RNASEH2B: variants seen among roughly 807,000 people sequenced by gnomAD.
RNASEH2B encodes Aicardi-Goutieres syndrome 2 protein.
RNASEH2B carries 36 observed loss-of-function variants against 45.0 expected under a neutral mutation model. The observed-to-expected ratio is 0.80, with a 90% CI of 0.61 to 1.06. RNASEH2B has a LOEUF of 1.06. RNASEH2B is among the 50% of genes least tolerant of loss of function. RNASEH2B has a pLI of 0.00. For synonymous variants in RNASEH2B, 119 were observed against 125.7 expected, an observed-to-expected ratio of 0.95 and a Z score of 0.35; for missense variants, 361 against 360.3, an observed-to-expected ratio of 1.00 and a Z score of -0.02.
In RNASEH2B at chr13:50,929,561, A is replaced by G. The variant is rs1470036646; in HGVS notation, c.223A>G (p.Ile75Val). The stretch of plus-strand genomic sequence containing the variant: ...CAAGGAAAAACACCATTCTTGGTTT[A>G]TAAATCAATCAGTTCAATCAGGTAG... ...VFKEKHHSWF[I>V]NQSVQSGGLL... The change falls in exon 3 of 11, where the codon ATA (isoleucine) becomes GTA (valine). Residue 75 changes from isoleucine (I) to valine (V), a missense_variant. By Grantham distance (29) the Ile-to-Val change is conservative (BLOSUM62 3). Transcript: ENST00000336617. 4 of 1,609,270 alleles carry G rather than the reference A, an allele frequency of 2.5e-6. No homozygotes were observed. The highest frequency in any genetic ancestry group is 3.4e-6 in the Non-Finnish European group (4 of 1,175,776).
intron 9 of RNASEH2B, among the ~76,000 whole-genome samples, chr13:50,963,855 T>C (rs1451983214): frequency 6.6e-6 from 1 of 152,208 alleles, no homozygotes; most frequent in Non-Finnish European, 1.5e-5. Flanking sequence ...ATTCAGTCTG[T>C]GATGGTACAT....
downstream of RNASEH2B, among the ~76,000 whole-genome samples, chr13:50,957,620 A>G (rs774262439): frequency 6.6e-6 from 1 of 152,158 alleles, no homozygotes; most frequent in Non-Finnish European, 1.5e-5. Flanking sequence ...CATAGCCAAT[A>G]GTGGCCAATA....
intron 1 of RNASEH2B, among the ~76,000 whole-genome samples, chr13:50,919,732 T>C (rs1555254370): frequency 1.3e-5 from 2 of 152,212 alleles, no homozygotes; most frequent in Admixed American, 6.5e-5. Flanking sequence ...TGGATAATAG[T>C]TGACTGAGTT....
At chr13:50,938,103 A>G (rs1399443431) in intron 5 of RNASEH2B, 2 of 152,256 alleles carry the variant, frequency 1.3e-5, no homozygotes, top group African/African-American at 4.8e-5. Flanking sequence ...TCAATATACA[A>G]ATATTAGTTG....
chr13:50,956,468 G>A lies in RNASEH2B; in HGVS notation c.933G>A (p.Lys311=), dbSNP rs951129269. The change falls in exon 11 of 11, where the codon AAG becomes AAA. Residue 311 remains lysine (K), a synonymous_variant. Transcript: ENST00000336617. The part of the protein sequence containing the change: ...FGVKNKKKIG[K]V The stretch of plus-strand genomic sequence containing the variant: ...TAAAAAATAAAAAAAAAATTGGAAA[G>A]GTTTGAAACTTTGAAAATAAAATCT... The A allele has an allele frequency of 1.9e-6, 3 of 1,595,826 alleles. No individual in the cohort carries two copies. Among genetic ancestry groups the A allele is most frequent in the African/African-American group, 2.7e-5 (2 of 74,550 alleles).
At chr13:50,929,200 G>C (rs1380687361) in intron 2 of RNASEH2B, among the ~76,000 whole-genome samples, 2 of 152,094 alleles carry the variant, frequency 1.3e-5, no homozygotes, top group Admixed American at 6.5e-5. Context: ...ATCTGATGGA[G>C]GATTTAAGGA....
chr13:50,910,138 C>A lies in RNASEH2B; in HGVS notation c.62C>A (p.Ser21Ter). Residue 21 changes from serine (S) to a stop codon, truncating the protein, a stop_gained and splice_region_variant, in exon 1 of 11, where the codon TCA (serine) becomes TAA (stop). Transcript: ENST00000336617. LOFTEE classifies it high-confidence loss of function. ...VGARQHVFLVSEYLKDASKKM... is the reference protein window; with the variant it reads ...VGARQHVFLV Reference sequence around the variant, plus strand: ...GCCCGGCAGCACGTGTTCCTGGTTTCAGGTAAACACGCGCGCCCGGGCGGC... The same window carrying A: ...GCCCGGCAGCACGTGTTCCTGGTTTAAGGTAAACACGCGCGCCCGGGCGGC... The A allele has an allele frequency of 6.9e-7, 1 of 1,444,936 alleles. No homozygotes were observed. The highest frequency in any genetic ancestry group is 9.1e-7 in the Non-Finnish European group (1 of 1,098,996). The allele number at this position is 1,444,936 out of a possible 1,614,324, so 89.5% of individuals were successfully genotyped here.
intron 5 of RNASEH2B, chr13:50,938,561 G>A (rs1951789048): frequency 6.6e-6 from 1 of 152,164 alleles, no homozygotes; most frequent in Non-Finnish European, 1.5e-5. Context: ...GGGCAGGGAG[G>A]GGGATGGCTT....
chr13:50,921,879 A>G (rs1275431229), intron 1 of RNASEH2B, among the ~76,000 whole-genome samples: 1 of 152,168 alleles, frequency 6.6e-6, no homozygotes, highest in Admixed American at 6.5e-5. Context: ...AACTACTCCC[A>G]TTTCCTCTCC....
chr13:50,963,673 A>G (rs1232835575), intron 9 of RNASEH2B, among the ~76,000 whole-genome samples: 1 of 152,080 alleles, frequency 6.6e-6, no homozygotes, highest in Non-Finnish European at 1.5e-5. Flanking sequence ...TTTATTTTGA[A>G]ATAATTTTAT....
intron 1 of RNASEH2B, among the ~76,000 whole-genome samples, chr13:50,917,097 T>C (rs1003919541): frequency 6.6e-6 from 1 of 152,200 alleles, no homozygotes; most frequent in Admixed American, 6.5e-5. Flanking sequence ...TTCTGACTGG[T>C]CCTGCTGTGG....
intron 9 of RNASEH2B, among the ~76,000 whole-genome samples, chr13:50,966,121 G>C (rs1290022519): frequency 3.3e-5 from 5 of 152,082 alleles, no homozygotes; most frequent in African/African-American, 1.2e-4. Context: ...TGCCATTTTG[G>C]GGAATAATAT....
chr13:50,945,817 G>C (rs1048630716), intron 7 of RNASEH2B, among the ~76,000 whole-genome samples: 2 of 152,152 alleles, frequency 1.3e-5, no homozygotes, highest in Non-Finnish European at 2.9e-5. Flanking sequence ...GGTGTATTGT[G>C]TGCCAGGCCC....
chr13:50,945,036 A>G (rs7336417), intron 6 of RNASEH2B, among the ~76,000 whole-genome samples: 21,249 of 152,102 alleles, frequency 0.14, 1,740 homozygotes, highest in East Asian at 0.36. Flanking sequence ...ACCTCATTTA[A>G]TTTTCACAGT....
chr13:50,914,362 G>T (rs1045934572), intron 1 of RNASEH2B, among the ~76,000 whole-genome samples: 3 of 152,186 alleles, frequency 2.0e-5, no homozygotes, highest in Non-Finnish European at 4.4e-5. Flanking sequence ...CAGAAGAGAT[G>T]AACTTCACTT....
chr13:50,930,709 G>A lies in RNASEH2B; in HGVS notation c.271G>A (p.Val91Met), dbSNP rs959811072. 2 of 1,613,728 alleles carry A rather than the reference G, an allele frequency of 1.2e-6. No individual in the cohort carries two copies. Among genetic ancestry groups the A allele is most frequent in the Non-Finnish European group, 1.7e-6 (2 of 1,179,804 alleles). ...AGGTCTTCTCCATTTTGCCACACCT[G>A]TGGATCCTCTATTTCTGCTTCTCCA... ...SGGLLHFATP[V>M]DPLFLLLHYL... The change falls in exon 4 of 11, where the codon GTG (valine) becomes ATG (methionine). Residue 91 changes from valine to methionine, a missense_variant. Coordinates refer to ENST00000336617, the MANE Select transcript of RNASEH2B (RefSeq NM_024570.4).
At chr13:50,946,456 A>G (rs1299620623) in intron 7 of RNASEH2B, among the ~76,000 whole-genome samples, 1 of 152,186 alleles carries the variant, frequency 6.6e-6, no homozygotes, top group Admixed American at 6.5e-5. Flanking sequence ...GGTGGACAGC[A>G]CCTTTGCCAT....
At chr13:50,910,235 C>A (rs1424915497) in intron 1 of RNASEH2B, 95 bp downstream of exon 1, 3 of 833,658 alleles carry the variant, frequency 3.6e-6, no homozygotes, top group Non-Finnish European at 5.0e-6. Flanking sequence ...GTGGCTCCCA[C>A]TACCCGGCCC....
intron 9 of RNASEH2B, 38 bp from the exon 10 acceptor site, chr13:50,953,867 G>A (rs371349565): frequency 7.5e-7 from 1 of 1,334,016 alleles, no homozygotes; most frequent in Non-Finnish European, 1.1e-6. Flanking sequence ...TTGTGTCAAA[G>A]TGACATTTGA....
Sources: gnomAD v4.1 joint callset for allele counts (sites outside exome capture counted in the v4.1 genomes callset) on GRCh38, gnomAD v4.1.1 for gene constraint, MANE v1.5 for transcripts, NCBI Gene and HGNC (gene_info 2026-07-23, HGNC 2026-07-21) for gene names.